TRHDE: variants seen among roughly 807,000 people sequenced by gnomAD.
The protein encoded by TRHDE is thyrotropin-releasing hormone-degrading ectoenzyme.
TRHDE carries 72 observed loss-of-function variants against 125.7 expected under a neutral mutation model. The observed-to-expected ratio is 0.57, with a 90% CI of 0.47 to 0.70. The LOEUF (loss-of-function observed/expected upper bound fraction) is 0.70. Among genes scored for constraint, TRHDE ranks in the 30% least tolerant of loss-of-function variants. The probability of loss-of-function intolerance (pLI) is 0.00; values close to 1 mark genes in which losing one functional copy is unlikely to be tolerated. For missense variants in TRHDE, 1,110 were observed against 1,327.1 expected (o/e 0.84, Z 2.54); for synonymous variants, 509 against 509.1 (o/e 1.00, Z 0.00).
chr12:72,620,993 A>C, intron 13 of TRHDE, 115 bp from the exon 14 acceptor site: 1 of 531,830 alleles, frequency 1.9e-6, no homozygotes, highest in Non-Finnish European at 3.3e-6. Flanking sequence ...AATTTTATGG[A>C]TATTTGAAAG....
chr12:72,546,483 T>C (rs980391588), intron 7 of TRHDE, among the ~76,000 whole-genome samples: 1 of 151,616 alleles, frequency 6.6e-6, no homozygotes, highest in African/African-American at 2.4e-5. Context: ...AAACTATCGA[T>C]GATCATTTAA....
intron 2 of TRHDE, among the ~76,000 whole-genome samples, chr12:72,190,951 A>T (rs1877325950): frequency 6.6e-6 from 1 of 152,226 alleles, no homozygotes; most frequent in South Asian, 2.1e-4. Context: ...CTTGTCACTG[A>T]AATAGTTACT....
intron 2 of TRHDE, among the ~76,000 whole-genome samples, chr12:72,298,304 G>A (rs555704150): frequency 6.6e-6 from 1 of 152,264 alleles, no homozygotes; most frequent in African/African-American, 2.4e-5. Context: ...AGATGATTCT[G>A]GCTGTGATCT....
chr12:72,286,355 G>A (rs965995810), intron 1 of TRHDE, among the ~76,000 whole-genome samples: 2 of 152,196 alleles, frequency 1.3e-5, no homozygotes, highest in Admixed American at 1.3e-4. Context: ...ACACTGAAAA[G>A]GAGAATCATC....
Position 72,668,554 on chromosome 12 carries a change from C to CT in TRHDE, c.*5360dup, listed in dbSNP as rs1875175965. 1 of 151,680 alleles carries CT rather than the reference C, an allele frequency of 6.6e-6. No individual in the cohort carries two copies. The highest frequency in any genetic ancestry group is 2.4e-5 in the African/African-American group (1 of 41,348). 9.4% of individuals were successfully genotyped at this position (151,680 alleles called of 1,614,324 possible). ...TACTAAGAAAAAGAAAACAAAATGA[C>CT]TGATTCTTTTGTTTTGAATTAAATG... On this transcript the variant is annotated 3_prime_UTR_variant, in exon 19 of 19. Transcript: ENST00000261180.
chr12:72,239,938 G>A (rs578062217), intron 2 of TRHDE, among the ~76,000 whole-genome samples: 5 of 152,126 alleles, frequency 3.3e-5, no homozygotes, highest in East Asian at 1.9e-4. Flanking sequence ...TTTTAATAGT[G>A]CTTCTTTTCT....
At chr12:72,397,065 G>A (rs960812872) in intron 3 of TRHDE, among the ~76,000 whole-genome samples, 5 of 152,148 alleles carry the variant, frequency 3.3e-5, no homozygotes, top group African/African-American at 4.8e-5. Context: ...AAATTCAAAT[G>A]CAAACATTTC....
At chr12:72,213,560 T>G (rs1453322611) in intron 2 of TRHDE, among the ~76,000 whole-genome samples, 1 of 152,116 alleles carries the variant, frequency 6.6e-6, no homozygotes, top group Non-Finnish European at 1.5e-5. Context: ...AACAGGGATA[T>G]TAAATCTTTT....
At position 72,277,685 on chromosome 12, in the gene TRHDE, A is replaced by C. The variant is rs141801346; in HGVS notation, c.914+4128A>C. 3.4e-3 allele frequency among the ~76,000 whole-genome samples: 508 copies of C among 150,992 alleles called. 1 individual carries two copies. The highest frequency in any genetic ancestry group is 0.012 in the African/African-American group (487 of 41,148). ...AAACCGTATCTAGACAATGTTTACT[A>C]AAAAAAAAGCTCTGACCATGTAATA... On this transcript the variant is annotated intron_variant, in intron 1 of 18. Coordinates refer to ENST00000261180, the MANE Select transcript of TRHDE (RefSeq NM_013381.3).
intron 18 of TRHDE, among the ~76,000 whole-genome samples, chr12:72,657,256 T>G (rs945177407): frequency 6.6e-6 from 1 of 152,086 alleles, no homozygotes; most frequent in Non-Finnish European, 1.5e-5. Flanking sequence ...AGACCCACAA[T>G]CCACTTCAGA....
intron 2 of TRHDE, among the ~76,000 whole-genome samples, chr12:72,259,569 T>C (rs997957641): frequency 1.4e-4 from 22 of 152,220 alleles, no homozygotes; most frequent in Non-Finnish European, 4.4e-5. Context: ...GACACACACT[T>C]AAATCCATGT....
intron 3 of TRHDE, among the ~76,000 whole-genome samples, chr12:72,417,774 C>A (rs1873791845): frequency 1.3e-5 from 2 of 151,904 alleles, no homozygotes; most frequent in Non-Finnish European, 2.9e-5. Flanking sequence ...TCTAGATCAT[C>A]ATAATTTCCT....
chr12:72,528,009 A>C (rs1411351038), intron 6 of TRHDE, among the ~76,000 whole-genome samples: 1 of 152,176 alleles, frequency 6.6e-6, no homozygotes, highest in East Asian at 1.9e-4. Flanking sequence ...AAAACTTTAT[A>C]AAACTAATAT....
At chr12:72,330,981 G>A (rs1869566892) in intron 2 of TRHDE, among the ~76,000 whole-genome samples, 1 of 152,176 alleles carries the variant, frequency 6.6e-6, no homozygotes. Context: ...TCCAGGTGAT[G>A]TTGCTAGCTG....
rs369608821 is a variant in TRHDE at position 72,258,680 on chromosome 12, A to G, written n.280-119315A>G. On this transcript the variant is annotated intron_variant and non_coding_transcript_variant, in intron 2 of 4. Transcript: ENST00000548156. ...GTTGTTCTCATGTCTTTATAGTAAA[A>G]AGGTCCAGTTCAGGAGAAGACGTTA... Among the ~76,000 whole-genome samples the G allele has an allele frequency of 5.9e-5, 9 of 152,234 alleles. No homozygotes were observed. The East Asian group carries it at 7.7e-4, about 13-fold the overall frequency.
chr12:72,353,601 C>G (rs1870681774), intron 2 of TRHDE, among the ~76,000 whole-genome samples: 1 of 151,368 alleles, frequency 6.6e-6, no homozygotes, highest in Non-Finnish European at 1.5e-5. Flanking sequence ...CAAAACTGCT[C>G]TGAGTCACAG....
intron 7 of TRHDE, among the ~76,000 whole-genome samples, chr12:72,549,873 A>C (rs1363363662): frequency 6.6e-6 from 1 of 151,786 alleles, no homozygotes; most frequent in Admixed American, 6.6e-5. Flanking sequence ...ATAGCCACTG[A>C]TTGAATCTTT....
At chr12:72,393,319 T>C (rs1355437656) in intron 3 of TRHDE, among the ~76,000 whole-genome samples, 1 of 152,190 alleles carries the variant, frequency 6.6e-6, no homozygotes, top group Non-Finnish European at 1.5e-5. Flanking sequence ...TAATAATGCA[T>C]ATTATTGATA....
At chr12:72,347,832 T>C (rs1019641479) in intron 2 of TRHDE, among the ~76,000 whole-genome samples, 2 of 152,018 alleles carry the variant, frequency 1.3e-5, no homozygotes, top group Admixed American at 6.6e-5. Flanking sequence ...TCTAACTCAA[T>C]CTTAGAATTG....
Sources: allele counts gnomAD v4.1 joint callset (sites outside exome capture counted in the v4.1 genomes callset), GRCh38; gene constraint gnomAD v4.1.1; transcripts MANE v1.5; gene names NCBI Gene and HGNC (gene_info 2026-07-23, HGNC 2026-07-21).